Variants in MORC1 observed in about 807,000 individuals in gnomAD.
MORC1 encodes the protein MORC family CW-type zinc finger 1, also known as MORC family CW-type zinc finger protein 1.
Under a neutral mutation model 134.9 loss-of-function variants are expected in MORC1, and 59 were observed. That is an observed-to-expected ratio of 0.44 (90% confidence interval 0.35 to 0.54). The LOEUF is 0.54. Ranked by LOEUF, MORC1 falls within the 20% of genes least tolerant of loss-of-function variation. MORC1 has a pLI of 0.00. For missense variants in MORC1, 947 were observed against 1,134.5 expected (o/e 0.83, Z 2.37); for synonymous variants, 395 against 391.7 (o/e 1.01, Z -0.10).
chr3:108,985,610 G>A (rs1448497509), intron 22 of MORC1, among the ~76,000 whole-genome samples: 2 of 152,108 alleles, frequency 1.3e-5, no homozygotes, highest in Non-Finnish European at 1.5e-5. Context: ...AGGCACCATT[G>A]GTTTTACTCA....
chr3:109,073,121 T>C (rs1229013893), intron 8 of MORC1, among the ~76,000 whole-genome samples: 2 of 152,106 alleles, frequency 1.3e-5, no homozygotes, highest in African/African-American at 2.4e-5. Flanking sequence ...TTCTTAACAG[T>C]CTCTAATTTA....
intron 21 of MORC1, among the ~76,000 whole-genome samples, chr3:108,997,542 A>T (rs2107511354): frequency 6.6e-6 from 1 of 152,184 alleles, no homozygotes; most frequent in Middle Eastern, 3.4e-3. Flanking sequence ...AAAAATAAAA[A>T]ATTGCTTCAA....
chr3:109,093,675 GCTAA>G (rs1950772664), intron 7 of MORC1, 134 bp from the exon 8 acceptor site: 1 of 639,112 alleles, frequency 1.6e-6, no homozygotes, highest in East Asian at 2.8e-5. Context: ...AGTATGTTTG[GCTAA>G]CTCTTTGGCT....
intron 21 of MORC1, among the ~76,000 whole-genome samples, chr3:108,989,857 G>A (rs2715698): frequency 0.42 from 63,898 of 151,912 alleles, 14,118 homozygotes; most frequent in Middle Eastern, 0.55. Context: ...CGAAAAGTTC[G>A]AAGTCCTGCT....
At chr3:109,076,414 T>A (rs889009929) in intron 8 of MORC1, among the ~76,000 whole-genome samples, 1 of 152,160 alleles carries the variant, frequency 6.6e-6, no homozygotes, top group African/African-American at 2.4e-5. Flanking sequence ...TGGAAGACAG[T>A]GTGGCAATTC....
chr3:108,982,636 G>C (rs960752231), intron 23 of MORC1, among the ~76,000 whole-genome samples: 1 of 150,144 alleles, frequency 6.7e-6, no homozygotes, highest in Non-Finnish European at 1.5e-5. Context: ...CATAAATGAC[G>C]AGTTAATGGG....
chr3:109,079,072 C>G (rs1275899791), intron 8 of MORC1, among the ~76,000 whole-genome samples: 2 of 152,002 alleles, frequency 1.3e-5, no homozygotes, highest in East Asian at 3.9e-4. Context: ...TTTACGTAAA[C>G]TCTTCCAAAT....
At chr3:109,114,328 A>AC in intron 2 of MORC1, 56 bp downstream of exon 2, 1 of 1,427,828 alleles carries the variant, frequency 7.0e-7, no homozygotes, top group Non-Finnish European at 9.7e-7. Context: ...ATGTAATTAG[A>AC]CAAGAGTTAT....
At chr3:108,965,911 T>C (rs1947206708) in intron 26 of MORC1, among the ~76,000 whole-genome samples, 1 of 152,192 alleles carries the variant, frequency 6.6e-6, no homozygotes, top group Admixed American at 6.6e-5. Flanking sequence ...TCTCTGAAAG[T>C]TTACCTTTTA....
chr3:108,988,530 A>G (rs1947956521), intron 21 of MORC1, among the ~76,000 whole-genome samples: 1 of 152,198 alleles, frequency 6.6e-6, no homozygotes, highest in East Asian at 1.9e-4. Context: ...TCTACATGAT[A>G]TTAAGTGTCT....
At chr3:108,972,910 A>C in intron 24 of MORC1, among the ~76,000 whole-genome samples, 1 of 152,056 alleles carries the variant, frequency 6.6e-6, no homozygotes, top group Non-Finnish European at 1.5e-5. Context: ...AGATGGCAGC[A>C]TTTACTAGGG....
intron 9 of MORC1, among the ~76,000 whole-genome samples, chr3:109,065,370 C>T (rs965033754): frequency 1.3e-5 from 2 of 152,146 alleles, no homozygotes; most frequent in Non-Finnish European, 2.9e-5. Context: ...TTTGCACTTA[C>T]TGTCCCCTCC....
intron 14 of MORC1, among the ~76,000 whole-genome samples, chr3:109,050,510 C>A (rs886938755): frequency 2.6e-5 from 4 of 152,104 alleles, no homozygotes; most frequent in African/African-American, 9.7e-5. Flanking sequence ...GATCTCATCA[C>A]CCCCGTAAAG....
At chr3:108,970,426 T>C (rs529727577) in intron 25 of MORC1, among the ~76,000 whole-genome samples, 11 of 152,134 alleles carry the variant, frequency 7.2e-5, no homozygotes, top group African/African-American at 2.7e-4. Context: ...TATCAAGAGG[T>C]CACTGGTGGC....
chr3:109,057,184 C>T (rs1221626185), intron 13 of MORC1, among the ~76,000 whole-genome samples, 159 bp downstream of exon 13: 1 of 152,160 alleles, frequency 6.6e-6, no homozygotes, highest in Non-Finnish European at 1.5e-5. Context: ...CTGATACTAT[C>T]AATGAGGCAG....
chr3:109,094,355 G>A (rs72935393), intron 7 of MORC1, among the ~76,000 whole-genome samples: 2,062 of 152,250 alleles, frequency 0.014, 31 homozygotes, highest in African/African-American at 0.037. Context: ...TAGTAGCTAA[G>A]AACATGGGCT....
intron 14 of MORC1, among the ~76,000 whole-genome samples, chr3:109,040,440 G>GGAAGGAA (rs1949499490): frequency 8.7e-6 from 1 of 114,646 alleles, no homozygotes; most frequent in African/African-American, 3.3e-5. Context: ...AAGAAAGAAA[G>GGAAGGAA]AAAGAAAGAA....
intron 21 of MORC1, among the ~76,000 whole-genome samples, chr3:108,989,897 TC>T (rs1438593922): frequency 2.6e-5 from 4 of 152,086 alleles, no homozygotes; most frequent in Non-Finnish European, 5.9e-5. Flanking sequence ...CCCACCCAAA[TC>T]TCATCTTGAA....
chr3:108,986,546 T>C (rs1466066381), intron 22 of MORC1, among the ~76,000 whole-genome samples: 1 of 152,110 alleles, frequency 6.6e-6, no homozygotes, highest in Non-Finnish European at 1.5e-5. Flanking sequence ...TCAAAACAGA[T>C]TTTGAAAATT....
Sources: gnomAD v4.1 joint callset for allele counts (sites outside exome capture counted in the v4.1 genomes callset) on GRCh38, gnomAD v4.1.1 for gene constraint, MANE v1.5 for transcripts, NCBI Gene and HGNC (gene_info 2026-07-23, HGNC 2026-07-21) for gene names.